The following PPDPFL variants were observed in gnomAD, a reference collection of about 807,000 sequenced individuals.
PPDPFL encodes the protein pancreatic progenitor cell differentiation and proliferation factor-like protein.
A neutral mutation model predicts 12.6 loss-of-function variants in PPDPFL; 12 were observed. The ratio of observed to expected loss-of-function variants is 0.95; its 90% CI spans 0.61 to 1.54. The LOEUF (loss-of-function observed/expected upper bound fraction) is 1.54. Ranked by LOEUF, PPDPFL falls within the 40% of genes most tolerant of loss-of-function variation. The probability of loss-of-function intolerance (pLI) is 0.00; values close to 1 mark genes in which losing one functional copy is unlikely to be tolerated. For missense variants in PPDPFL, 114 were observed against 96.0 expected, an observed-to-expected ratio of 1.19 and a Z score of -0.78; for synonymous variants, 24 against 32.7, an observed-to-expected ratio of 0.73 and a Z score of 0.91.
At position 49,064,548 on chromosome 8, in the gene PPDPFL, G is replaced by A. The variant is rs188815300; in HGVS notation, c.-44-8239G>A. ...GCAGGATGTGGGGCCTGGCAGTGCC[G>A]CCCAGGTTCCCCCCCAGGACAAGCC... On this transcript the variant is annotated intron_variant, in intron 1 of 4. Transcript: ENST00000517663. Among the ~76,000 whole-genome samples the A allele has an allele frequency of 1.3e-4, 20 of 152,106 alleles. No homozygotes were observed. The South Asian group carries it at 2.5e-3, about 19-fold the overall frequency.
At chr8:49,057,820 C>G (rs1004014746) in intron 1 of PPDPFL, among the ~76,000 whole-genome samples, 1 of 152,068 alleles carries the variant, frequency 6.6e-6, no homozygotes, top group African/African-American at 2.4e-5. Context: ...AGTTCCTTAC[C>G]TTTCACAGAT....
intron 1 of PPDPFL, among the ~76,000 whole-genome samples, chr8:49,057,732 C>A: frequency 6.6e-6 from 1 of 152,092 alleles, no homozygotes. Context: ...TTCAAGTCCC[C>A]TAATATGATT....
chr8:49,060,996 C>G (rs1403874835), intron 1 of PPDPFL, among the ~76,000 whole-genome samples: 1 of 152,002 alleles, frequency 6.6e-6, no homozygotes, highest in African/African-American at 2.4e-5. Context: ...CTCATGGAGC[C>G]CAGCGAGAGG....
At chr8:49,055,307 C>T (rs940801928) in intron 1 of PPDPFL, among the ~76,000 whole-genome samples, 3 of 152,174 alleles carry the variant, frequency 2.0e-5, no homozygotes, top group Non-Finnish European at 4.4e-5. Flanking sequence ...GGTTTCTGCA[C>T]TGAGGCAGTT....
At chr8:49,074,419 G>A (rs1351923464) in intron 4 of PPDPFL, 86 bp downstream of exon 4, 6 of 1,569,158 alleles carry the variant, frequency 3.8e-6, no homozygotes, top group Non-Finnish European at 5.2e-6. Flanking sequence ...ACTCACTTAG[G>A]GTACATAGTT....
upstream of PPDPFL, among the ~76,000 whole-genome samples, chr8:49,068,033 C>A (rs754725647): frequency 1.3e-5 from 2 of 152,144 alleles, no homozygotes; most frequent in African/African-American, 2.4e-5. Context: ...TCAGTTATAG[C>A]ATTTAAATCT....
At chr8:49,066,039 C>A (rs990699459) in intron 1 of PPDPFL, among the ~76,000 whole-genome samples, 1 of 152,212 alleles carries the variant, frequency 6.6e-6, no homozygotes, top group Admixed American at 6.5e-5. Flanking sequence ...CATTCTCCAG[C>A]CAGTAAGCCA....
Position 49,075,326 on chromosome 8 carries a change from G to C in PPDPFL, c.*153G>C. On this transcript the variant is annotated 3_prime_UTR_variant, in exon 5 of 5. Transcript: ENST00000522267. Reference sequence around the variant, plus strand: ...CCCTTCAGCGCCCCAGCTATTCCAGGACTCTTCTCCATTGTAAGAAGACAG... The same window carrying C: ...CCCTTCAGCGCCCCAGCTATTCCAGCACTCTTCTCCATTGTAAGAAGACAG... 6.8e-7 allele frequency: 1 copy of C among 1,475,882 alleles called. No individual in the cohort carries two copies. The highest frequency in any genetic ancestry group is 1.7e-4 in the Middle Eastern group (1 of 5,772). The allele number at this position is 1,475,882 out of a possible 1,614,324, so 91.4% of individuals were successfully genotyped here.
At chr8:49,061,913 T>G (rs1052189009) in intron 1 of PPDPFL, among the ~76,000 whole-genome samples, 1 of 152,204 alleles carries the variant, frequency 6.6e-6, no homozygotes, top group Non-Finnish European at 1.5e-5. Flanking sequence ...TTTTTTTGAA[T>G]CACAAGATTG....
At chr8:49,075,077 T>G in intron 4 of PPDPFL, 75 bp from the exon 5 acceptor site, 1 of 1,567,362 alleles carries the variant, frequency 6.4e-7, no homozygotes, top group Non-Finnish European at 8.7e-7. Flanking sequence ...TTTATCAAGT[T>G]TATTCATTTG....
chr8:49,057,179 C>T (rs186634678), intron 1 of PPDPFL, among the ~76,000 whole-genome samples: 109 of 152,200 alleles, frequency 7.2e-4, no homozygotes, highest in African/African-American at 2.5e-3. Flanking sequence ...ATTGTTTTAG[C>T]GAATGCACAT....
upstream of PPDPFL, among the ~76,000 whole-genome samples, chr8:49,071,288 G>C (rs189415284): frequency 6.6e-6 from 1 of 152,118 alleles, no homozygotes. Flanking sequence ...TGAACAAATC[G>C]AATCAGCAAT....
chr8:49,072,795 T>C lies in PPDPFL; in HGVS notation c.-36T>C. The C allele has an allele frequency of 6.4e-7, 1 of 1,552,386 alleles. No individual in the cohort carries two copies. The highest frequency in any genetic ancestry group is 8.7e-7 in the Non-Finnish European group (1 of 1,145,282). ...CTCTGTCGCTGTTTCAGATTAATGC[T>C]CACAGCTTCTTGGGTGCTTTCTCAC... On this transcript the variant is annotated 5_prime_UTR_variant, in exon 2 of 5. Coordinates refer to ENST00000522267, the MANE Select transcript of PPDPFL (RefSeq NM_001256597.2).
intron 4 of PPDPFL, chr8:49,074,842 C>G: frequency 7.1e-7 from 1 of 1,402,288 alleles, no homozygotes; most frequent in Non-Finnish European, 9.2e-7. Flanking sequence ...TATATTTAAA[C>G]TACTTATTTT....
intron 1 of PPDPFL, among the ~76,000 whole-genome samples, chr8:49,057,529 A>C (rs1350225479): frequency 2.0e-5 from 3 of 152,196 alleles, no homozygotes; most frequent in African/African-American, 7.2e-5. Flanking sequence ...AAAGCACTGC[A>C]AAAAGGGTGT....
rs377607585 is a variant in PPDPFL, at chr8:49,074,265, G to T, written c.165G>T (p.Trp55Cys). The stretch of plus-strand genomic sequence containing the variant: ...CTGAAGTGGCAGAATCCACCTGGTG[G>T]TTTAAATCGTTTTTCCATTCTGAAC... ...GLPEVAESTW[W>C]FKSFFHSEPV... The change falls in exon 4 of 5, where the codon TGG becomes TGT. Residue 55 changes from tryptophan (W) to cysteine (C), a missense_variant. Coordinates refer to ENST00000522267, the MANE Select transcript of PPDPFL (RefSeq NM_001256597.2). 1 of 1,613,880 alleles carries T rather than the reference G, an allele frequency of 6.2e-7. No homozygotes were observed. Among genetic ancestry groups the T allele is most frequent in the African/African-American group, 1.3e-5 (1 of 74,916 alleles).
chr8:49,072,334 G>A (rs1176489480), upstream of PPDPFL: 1 of 152,970 alleles, frequency 6.5e-6, no homozygotes, highest in African/African-American at 2.4e-5. Context: ...GTGCTCAGGG[G>A]TCTCCCATCA....
upstream of PPDPFL, among the ~76,000 whole-genome samples, chr8:49,068,786 A>G (rs1005042591): frequency 4.6e-5 from 7 of 152,200 alleles, no homozygotes; most frequent in African/African-American, 1.4e-4. Flanking sequence ...CTAAATTTAC[A>G]TTTATATTAA....
intron 1 of PPDPFL, among the ~76,000 whole-genome samples, chr8:49,060,503 G>A (rs1354036809): frequency 6.6e-6 from 1 of 152,102 alleles, no homozygotes; most frequent in African/African-American, 2.4e-5. Context: ...AGTAGAGACA[G>A]GGTTTCTCCA....
Sources: gnomAD v4.1 joint callset for allele counts (sites outside exome capture counted in the v4.1 genomes callset) on GRCh38, gnomAD v4.1.1 for gene constraint, MANE v1.5 for transcripts, NCBI Gene and HGNC (gene_info 2026-07-23, HGNC 2026-07-21) for gene names.